Variants in CNTN4 observed in about 807,000 individuals in gnomAD.
The protein encoded by CNTN4 is contactin 4.
CNTN4 carries 77 observed loss-of-function variants against 122.5 expected under a neutral mutation model. That is an observed-to-expected ratio of 0.63 (90% confidence interval 0.52 to 0.76). CNTN4 has a LOEUF of 0.76. Ranked by LOEUF, CNTN4 falls within the 30% of genes least tolerant of loss-of-function variation. The pLI is 0.00. For missense variants in CNTN4, 1,256 were observed against 1,259.1 expected (o/e 1.00, Z 0.04); for synonymous variants, 512 against 447.0 (o/e 1.15, Z -1.83).
intron 13 of CNTN4, among the ~76,000 whole-genome samples, chr3:2,932,756 A>T (rs2094532537): frequency 6.6e-6 from 1 of 151,810 alleles, no homozygotes; most frequent in Non-Finnish European, 1.5e-5. Context: ...AGCAAGAGAG[A>T]AAAAAAAGGA....
At chr3:2,668,820 C>T (rs1309314706) in intron 4 of CNTN4, among the ~76,000 whole-genome samples, 1 of 152,162 alleles carries the variant, frequency 6.6e-6, no homozygotes, top group Non-Finnish European at 1.5e-5. Context: ...TGAATTTTGT[C>T]ACAGGCCTTT....
chr3:2,800,543 C>G (rs927734354), intron 6 of CNTN4, among the ~76,000 whole-genome samples: 4 of 152,262 alleles, frequency 2.6e-5, no homozygotes, highest in Middle Eastern at 3.4e-3. Flanking sequence ...ATCTTTGCAA[C>G]TTTCATTTCT....
chr3:2,913,946 A>G (rs1268686206), intron 12 of CNTN4, among the ~76,000 whole-genome samples: 2 of 152,230 alleles, frequency 1.3e-5, no homozygotes, highest in Non-Finnish European at 2.9e-5. Flanking sequence ...AATTGAAATT[A>G]TACGTAATAT....
chr3:2,472,596 A>G (rs2075719530), intron 3 of CNTN4, among the ~76,000 whole-genome samples: 1 of 152,190 alleles, frequency 6.6e-6, no homozygotes. Flanking sequence ...GATAGAATGC[A>G]ATAAAGGTGA....
intron 4 of CNTN4, among the ~76,000 whole-genome samples, chr3:2,728,654 G>A (rs1461111532): frequency 1.3e-5 from 2 of 152,198 alleles, no homozygotes; most frequent in African/African-American, 4.8e-5. Flanking sequence ...AGCCACTCTG[G>A]TTTGCACCAG....
intron 15 of CNTN4, among the ~76,000 whole-genome samples, chr3:3,027,817 G>A (rs570815936): frequency 6.6e-6 from 1 of 152,280 alleles, no homozygotes; most frequent in South Asian, 2.1e-4. Context: ...AATGGTGCCA[G>A]GGCTAAGGCA....
chr3:2,699,691 T>G (rs151081622), intron 4 of CNTN4, among the ~76,000 whole-genome samples: 163 of 152,278 alleles, frequency 1.1e-3, no homozygotes, highest in Non-Finnish European at 1.6e-3. Flanking sequence ...TGGACCAGTT[T>G]GGAATGGAAA....
intron 3 of CNTN4, among the ~76,000 whole-genome samples, chr3:2,381,074 C>T (rs1030045819): frequency 2.0e-5 from 3 of 151,678 alleles, no homozygotes; most frequent in African/African-American, 7.3e-5. Flanking sequence ...GGCACAATCT[C>T]GGCTCACTGC....
chr3:2,441,125 T>A (rs1480923795), intron 3 of CNTN4, among the ~76,000 whole-genome samples: 1 of 151,964 alleles, frequency 6.6e-6, no homozygotes, highest in African/African-American at 2.4e-5. Flanking sequence ...ACCATTCACT[T>A]ATATGGTCAT....
At chr3:2,309,485 T>C (rs529413363) in intron 2 of CNTN4, among the ~76,000 whole-genome samples, 114 of 152,302 alleles carry the variant, frequency 7.5e-4, no homozygotes, top group African/African-American at 2.6e-3. Flanking sequence ...TTGATGCCTG[T>C]GTTTCCTACT....
Position 3,037,647 on chromosome 3 carries a change from A to G in CNTN4, c.2092+319A>G, listed in dbSNP as rs36011343. On this transcript the variant is annotated intron_variant, in intron 18 of 24. Transcript: ENST00000418658. Reference sequence around the variant, plus strand: ...TAACAGAATTTCAAAAAAAAATCCCACATTTCAAATAAAATTATCTCACAT... The same window carrying G: ...TAACAGAATTTCAAAAAAAAATCCCGCATTTCAAATAAAATTATCTCACAT... 39,949 of 380,650 alleles carry G rather than the reference A, an allele frequency of 0.1. 2,756 individuals are homozygous for G. The highest frequency in any genetic ancestry group is 0.24 in the African/African-American group (11,670 of 48,434). 23.6% of individuals were successfully genotyped at this position (380,650 alleles called of 1,614,324 possible).
At chr3:3,027,635 C>T (rs1698842986) in intron 15 of CNTN4, among the ~76,000 whole-genome samples, 1 of 152,140 alleles carries the variant, frequency 6.6e-6, no homozygotes, top group Non-Finnish European at 1.5e-5. Context: ...AAATCGAGAA[C>T]ATTCTTCATA....
chr3:2,662,653 T>C (rs143769587), intron 4 of CNTN4, among the ~76,000 whole-genome samples: 1 of 152,214 alleles, frequency 6.6e-6, no homozygotes, highest in African/African-American at 2.4e-5. Flanking sequence ...ATGGGCAATA[T>C]GAACTTAGGC....
At chr3:2,685,436 C>G (rs2085382905) in intron 4 of CNTN4, among the ~76,000 whole-genome samples, 1 of 152,086 alleles carries the variant, frequency 6.6e-6, no homozygotes, top group South Asian at 2.1e-4. Context: ...TTTCTTGCAT[C>G]TAGTTTTATT....
At chr3:2,876,265 G>C (rs1388136456) in intron 8 of CNTN4, among the ~76,000 whole-genome samples, 2 of 152,128 alleles carry the variant, frequency 1.3e-5, no homozygotes, top group Non-Finnish European at 2.9e-5. Context: ...AGATAACTTG[G>C]ACAGTCCACT....
intron 3 of CNTN4, among the ~76,000 whole-genome samples, chr3:2,447,702 TTA>T (rs1428539548): frequency 1.3e-5 from 2 of 152,164 alleles, no homozygotes; most frequent in Non-Finnish European, 2.9e-5. Context: ...TGTATATACC[TTA>T]TATGTTCATA....
chr3:2,738,990 A>G (rs989639441), intron 5 of CNTN4, among the ~76,000 whole-genome samples: 1 of 152,118 alleles, frequency 6.6e-6, no homozygotes, highest in Non-Finnish European at 1.5e-5. Flanking sequence ...TTTTAAGTAT[A>G]TTTGTTATGG....
At chr3:2,495,580 G>A (rs998589303) in intron 3 of CNTN4, among the ~76,000 whole-genome samples, 4 of 152,206 alleles carry the variant, frequency 2.6e-5, no homozygotes, top group African/African-American at 9.7e-5. Context: ...CAGCAGGCGA[G>A]CGAGCATTAC....
intron 13 of CNTN4, among the ~76,000 whole-genome samples, chr3:2,945,015 C>T (rs894432940): frequency 1.3e-5 from 2 of 152,148 alleles, no homozygotes; most frequent in Non-Finnish European, 2.9e-5. Flanking sequence ...CTCAGATCAT[C>T]ACCTATAAGG....
Sources: allele counts gnomAD v4.1 joint callset (sites outside exome capture counted in the v4.1 genomes callset), GRCh38; gene constraint gnomAD v4.1.1; transcripts MANE v1.5; gene names NCBI Gene and HGNC (gene_info 2026-07-23, HGNC 2026-07-21).